TEKT3: variants seen among roughly 807,000 people sequenced by gnomAD.
The protein encoded by TEKT3 is tektin 3.
A neutral mutation model predicts 49.8 loss-of-function variants in TEKT3; 49 were observed. That is an observed-to-expected ratio of 0.98 (90% confidence interval 0.78 to 1.25). TEKT3 has a LOEUF of 1.25. Ranked by LOEUF, TEKT3 falls within the 50% of genes most tolerant of loss-of-function variation. The pLI, the probability that TEKT3 is intolerant of heterozygous loss-of-function variation, is 0.00. For missense variants in TEKT3, 595 were observed against 629.5 expected (o/e 0.95, Z 0.59); for synonymous variants, 225 against 237.2 (o/e 0.95, Z 0.47).
chr17:15,312,173 T>C (rs771841647), intron 7 of TEKT3, 86 bp downstream of exon 7: 18 of 1,312,400 alleles, frequency 1.4e-5, no homozygotes, highest in Non-Finnish European at 2.0e-5. Context: ...CTATGGTGCC[T>C]CTCTGGGAGT....
chr17:15,309,168 G>A (rs753878458), intron 7 of TEKT3, among the ~76,000 whole-genome samples: 22 of 152,270 alleles, frequency 1.4e-4, no homozygotes, highest in Non-Finnish European at 3.1e-4. Flanking sequence ...CCCAATGGCC[G>A]TTGTTAATTA....
rs748808156 is a variant in TEKT3 at position 15,331,271 on chromosome 17, G to C, written c.315C>G (p.Thr105=). Residue 105 remains threonine (T), a synonymous_variant, in exon 3 of 9, where the codon ACC becomes ACG. Transcript: ENST00000395930. ...TPDDWYRSNL[T]NYQESNTSRH... Reference sequence around the variant, plus strand: ...GGGAAGTGTTGGACTCTTGATAGTTGGTTAAATTGGACCTGTACCAGTCAT... The same window carrying C: ...GGGAAGTGTTGGACTCTTGATAGTTCGTTAAATTGGACCTGTACCAGTCAT... 3 of 1,614,168 alleles carry C rather than the reference G, an allele frequency of 1.9e-6. No individual in the cohort carries two copies. The highest frequency in any genetic ancestry group is 1.7e-5 in the Admixed American group (1 of 60,014).
In TEKT3 at chr17:15,308,721, A is replaced by T. The variant is rs777187936; in HGVS notation, c.1199T>A (p.Leu400Gln). ...GTTCGGCCGTCTTGTGCGCTCATCC[A>T]GTCTGGTCTGAGCCACCTTCAGGAA... Reference protein sequence around the residue: ...TAFLKVAQTRLDERTRRPNIE... With the variant: ...TAFLKVAQTRQDERTRRPNIE... Residue 400 changes from leucine to glutamine, a missense_variant, in exon 8 of 9, where the codon CTG (leucine) becomes CAG (glutamine). Transcript: ENST00000395930. The T allele has an allele frequency of 6.2e-7, 1 of 1,613,762 alleles. No homozygotes were observed. Among genetic ancestry groups the T allele is most frequent in the South Asian group, 1.1e-5 (1 of 91,042 alleles).
chr17:15,331,714 G>C, intron 2 of TEKT3, 100 bp from the exon 3 acceptor site: 2 of 835,406 alleles, frequency 2.4e-6, no homozygotes, highest in Non-Finnish European at 3.6e-6. Flanking sequence ...CAGTTGCAGA[G>C]GCCCCGAACA....
chr17:15,316,071 T>C (rs888179346), intron 5 of TEKT3, among the ~76,000 whole-genome samples: 3 of 152,238 alleles, frequency 2.0e-5, no homozygotes, highest in Non-Finnish European at 4.4e-5. Context: ...ACTTTGTGAA[T>C]TCTAAGACAG....
intron 4 of TEKT3, among the ~76,000 whole-genome samples, chr17:15,323,170 G>C (rs535409466): frequency 3.1e-4 from 47 of 152,342 alleles, no homozygotes; most frequent in African/African-American, 1.1e-3. Context: ...GGACTGGGCT[G>C]AAATGCTGAA....
chr17:15,310,679 A>T (rs1237247803), intron 7 of TEKT3, among the ~76,000 whole-genome samples: 1 of 152,110 alleles, frequency 6.6e-6, no homozygotes, highest in Non-Finnish European at 1.5e-5. Context: ...GTGGAAATTC[A>T]TTACCACAGT....
intron 4 of TEKT3, 156 bp downstream of exon 4, chr17:15,327,836 C>G: frequency 3.5e-6 from 2 of 571,454 alleles, no homozygotes; most frequent in Non-Finnish European, 3.1e-6. Flanking sequence ...TATGTTATAA[C>G]CAAGAAAAAC....
intron 2 of TEKT3, among the ~76,000 whole-genome samples, chr17:15,333,530 A>G (rs912076807): frequency 6.6e-6 from 1 of 152,156 alleles, no homozygotes; most frequent in Non-Finnish European, 1.5e-5. Context: ...CTTAGTTACC[A>G]TTTGCAGTTC....
chr17:15,329,314 G>A (rs1911618716), intron 3 of TEKT3, among the ~76,000 whole-genome samples: 1 of 152,116 alleles, frequency 6.6e-6, no homozygotes, highest in South Asian at 2.1e-4. Flanking sequence ...CTCTAATACT[G>A]TGTTGACAAT....
intron 8 of TEKT3, chr17:15,306,767 C>T (rs766568569): frequency 2.0e-5 from 3 of 152,154 alleles, no homozygotes; most frequent in Non-Finnish European, 4.4e-5. Flanking sequence ...AACGAAACAT[C>T]AGTTCAGCTT....
At chr17:15,327,887 C>A in intron 4 of TEKT3, 105 bp downstream of exon 4, 1 of 948,138 alleles carries the variant, frequency 1.1e-6, no homozygotes, top group Admixed American at 1.8e-5. Context: ...TACGATAATG[C>A]TTTACTTATA....
chr17:15,337,969 G>A (rs77399658), intron 2 of TEKT3, among the ~76,000 whole-genome samples: 162 of 152,154 alleles, frequency 1.1e-3, no homozygotes, highest in Non-Finnish European at 1.5e-3. Flanking sequence ...AAATATTATC[G>A]GAGATAAAGA....
Position 15,328,060 on chromosome 17 carries a change from G to C in TEKT3, c.595C>G (p.Leu199Val), listed in dbSNP as rs1911565043. 1.2e-6 allele frequency: 2 copies of C among 1,613,832 alleles called. No homozygotes were observed. Among genetic ancestry groups the C allele is most frequent in the Non-Finnish European group, 1.7e-6 (2 of 1,179,904 alleles). ...CCCATTCTCTTTTCTCGATGAAATA[G>C]ACATTCTCGGGCTACCTACAGATAC... ...EAPLQVAREC[L>V]FHREKRMGID... The change falls in exon 4 of 9, where the codon CTA becomes GTA. Residue 199 changes from leucine to valine, a missense_variant. Coordinates refer to ENST00000395930, the MANE Select transcript of TEKT3 (RefSeq NM_031898.3).
At chr17:15,312,566 G>T in intron 6 of TEKT3, 85 bp from the exon 7 acceptor site, 1 of 1,231,486 alleles carries the variant, frequency 8.1e-7, no homozygotes, top group Non-Finnish European at 1.2e-6. Context: ...TCCTGAGAGA[G>T]AGAAACCCCC....
chr17:15,315,872 C>T (rs1178488442), intron 5 of TEKT3, among the ~76,000 whole-genome samples: 3 of 152,178 alleles, frequency 2.0e-5, no homozygotes, highest in Middle Eastern at 3.2e-3. Flanking sequence ...ATATTCTCAG[C>T]ACCTAAAAAT....
intron 8 of TEKT3, among the ~76,000 whole-genome samples, chr17:15,305,743 C>A (rs1910515217): frequency 1.3e-5 from 2 of 150,082 alleles, no homozygotes; most frequent in African/African-American, 4.9e-5. Flanking sequence ...GAAATTTTAT[C>A]TGGGAGGGAA....
chr17:15,322,729 G>A (rs943614639), intron 4 of TEKT3, among the ~76,000 whole-genome samples: 1 of 152,180 alleles, frequency 6.6e-6, no homozygotes, highest in Non-Finnish European at 1.5e-5. Flanking sequence ...CTGTCTAACA[G>A]GTGAATGGGC....
Position 15,303,832 on chromosome 17 carries a change from TA to T in TEKT3, c.*103del. The T allele has an allele frequency of 9.0e-7, 1 of 1,108,902 alleles. No homozygotes were observed. The highest frequency in any genetic ancestry group is 1.3e-6 in the Non-Finnish European group (1 of 748,174). The allele number at this position is 1,108,902 out of a possible 1,614,324, so 68.7% of individuals were successfully genotyped here. A position where few individuals can be genotyped will look rare whatever the true frequency, so the allele number is the denominator to read the frequency against. ...GGAGGTTGGTACATTTCCATCAGCA[TA>T]ATCCTTTAATAAGTGACTATATTAG... On this transcript the variant is annotated 3_prime_UTR_variant, in exon 9 of 9. Transcript: ENST00000395930.
Sources: allele counts gnomAD v4.1 joint callset (sites outside exome capture counted in the v4.1 genomes callset), GRCh38; gene constraint gnomAD v4.1.1; transcripts MANE v1.5; gene names NCBI Gene and HGNC (gene_info 2026-07-23, HGNC 2026-07-21).